KPNA5: variants seen among roughly 807,000 people sequenced by gnomAD.
KPNA5 encodes karyopherin subunit alpha 5, also known as importin subunit alpha-6.
Under a neutral mutation model 71.3 loss-of-function variants are expected in KPNA5, and 46 were observed. The observed-to-expected ratio is 0.65, with a 90% CI of 0.51 to 0.83. The LOEUF (loss-of-function observed/expected upper bound fraction) is 0.83, where lower values mean the gene tolerates loss of function less well. KPNA5 is among the 40% of genes least tolerant of loss of function. The pLI, the probability that KPNA5 is intolerant of heterozygous loss-of-function variation, is 0.00. For synonymous variants in KPNA5, 207 were observed against 201.4 expected (o/e 1.03, Z -0.24); for missense variants, 547 against 628.3 (o/e 0.87, Z 1.38).
chr6:116,737,879 G>T lies in KPNA5; in HGVS notation c.*5556G>T, dbSNP rs4626458. 0.21 allele frequency: 32,147 copies of T among 151,462 alleles called. 3,684 individuals are homozygous for T. The highest frequency in any genetic ancestry group is 0.27 in the Non-Finnish European group (18,437 of 67,750). The allele number at this position is 151,462 out of a possible 1,614,324, so 9.4% of individuals were successfully genotyped here. ...CTTTTTACTTATTTCCTTAGTTTTT[G>T]CTCATAATTTTAGAATTTCCAATCT... On this transcript the variant is annotated 3_prime_UTR_variant, in exon 14 of 14. Coordinates refer to ENST00000368564, the MANE Select transcript of KPNA5 (RefSeq NM_001366306.2).
chr6:116,696,398 A>G (rs1295626944), intron 4 of KPNA5, among the ~76,000 whole-genome samples: 1 of 152,180 alleles, frequency 6.6e-6, no homozygotes, highest in Admixed American at 6.6e-5. Flanking sequence ...AGCAGAAACA[A>G]CAGGAAACTT....
chr6:116,726,625 A>C lies in KPNA5; in HGVS notation c.1253+3A>C. Reference sequence around the variant, plus strand: ...GGAGGTACTCCAGAGCAAATAAGGTATGATATAAACTTCTTAATTGTTTTT... The same window carrying C: ...GGAGGTACTCCAGAGCAAATAAGGTCTGATATAAACTTCTTAATTGTTTTT... On this transcript the variant is annotated splice_donor_region_variant and intron_variant, in intron 12 of 13. Coordinates refer to ENST00000368564, the MANE Select transcript of KPNA5 (RefSeq NM_001366306.2). 1 of 1,586,914 alleles carries C rather than the reference A, an allele frequency of 6.3e-7. No individual in the cohort carries two copies. The highest frequency in any genetic ancestry group is 8.5e-7 in the Non-Finnish European group (1 of 1,171,260).
At position 116,735,679 on chromosome 6, in the gene KPNA5, G is replaced by A. The variant is rs1171468599; in HGVS notation, c.*3356G>A. On this transcript the variant is annotated 3_prime_UTR_variant, in exon 14 of 14. Transcript: ENST00000368564. ...GTCCATTTCATTTTTTCTTAAGATT[G>A]TTGTTTCCTAACAGAACAAAGACAG... 3 of 151,536 alleles carry A rather than the reference G, an allele frequency of 2.0e-5. No homozygotes were observed. The highest frequency in any genetic ancestry group is 4.4e-5 in the Non-Finnish European group (3 of 67,692). The allele number at this position is 151,536 out of a possible 1,614,324, so 9.4% of individuals were successfully genotyped here. A position where few individuals can be genotyped will look rare whatever the true frequency, so the allele number is the denominator to read the frequency against.
rs1779634817 is a variant in KPNA5, at chr6:116,735,346, A to C, written c.*3023A>C. 1 of 151,714 alleles carries C rather than the reference A, an allele frequency of 6.6e-6. No homozygotes were observed. Among genetic ancestry groups the C allele is most frequent in the African/African-American group, 2.4e-5 (1 of 41,414 alleles). The allele number at this position is 151,714 out of a possible 1,614,324, so 9.4% of individuals were successfully genotyped here. A position where few individuals can be genotyped will look rare whatever the true frequency, so the allele number is the denominator to read the frequency against. Reference sequence around the variant, plus strand: ...GAAAAATAAATATAAAGTCTTAGTGAATTTTTGTTATGGTTCTCAATTCAG... The same window carrying C: ...GAAAAATAAATATAAAGTCTTAGTGCATTTTTGTTATGGTTCTCAATTCAG... On this transcript the variant is annotated 3_prime_UTR_variant, in exon 14 of 14. Coordinates refer to ENST00000368564, the MANE Select transcript of KPNA5 (RefSeq NM_001366306.2).
At chr6:116,706,930 C>T (rs974481103) in intron 7 of KPNA5, among the ~76,000 whole-genome samples, 8 of 151,822 alleles carry the variant, frequency 5.3e-5, no homozygotes, top group South Asian at 2.1e-4. Context: ...TTGGGGAGGC[C>T]GAGTTGGGTG....
intron 7 of KPNA5, among the ~76,000 whole-genome samples, chr6:116,705,979 A>G (rs1778424190): frequency 6.6e-6 from 1 of 152,244 alleles, no homozygotes; most frequent in Non-Finnish European, 1.5e-5. Flanking sequence ...AGATCTGTGT[A>G]CAAACCACTG....
At chr6:116,693,180 G>C (rs1038516145) in intron 4 of KPNA5, among the ~76,000 whole-genome samples, 9 of 152,150 alleles carry the variant, frequency 5.9e-5, no homozygotes, top group African/African-American at 2.2e-4. Flanking sequence ...ATTGTGAATA[G>C]TGCCGCAATG....
At chr6:116,683,848 C>T (rs1228663973) in intron 1 of KPNA5, among the ~76,000 whole-genome samples, 7 of 148,142 alleles carry the variant, frequency 4.7e-5, no homozygotes, top group Non-Finnish European at 8.9e-5. Flanking sequence ...CCACCTGCCT[C>T]GGCCTCCCAA....
At chr6:116,719,396 G>A (rs1779021390) in intron 8 of KPNA5, among the ~76,000 whole-genome samples, 1 of 152,138 alleles carries the variant, frequency 6.6e-6, no homozygotes, top group South Asian at 2.1e-4. Context: ...CTTCATTGTA[G>A]GATAATTGGG....
intron 7 of KPNA5, among the ~76,000 whole-genome samples, chr6:116,711,524 A>G (rs1778685462): frequency 1.5e-5 from 2 of 137,526 alleles, no homozygotes; most frequent in African/African-American, 5.8e-5. Context: ...TTTATCTCAA[A>G]GTATTTTCTG....
In KPNA5 at chr6:116,690,621, C is replaced by T. The variant is rs372471293; in HGVS notation, c.138+1168C>T. ...TGATGCCACTGCACTCCAGCCTGGG[C>T]GACAGAGTAAGACTCCATCTCAAAA... is the stretch of plus-strand genomic sequence containing the variant. On this transcript the variant is annotated intron_variant, in intron 2 of 13. Coordinates refer to ENST00000368564, the MANE Select transcript of KPNA5 (RefSeq NM_001366306.2). Among the ~76,000 whole-genome samples the T allele has an allele frequency of 1.2e-4, 16 of 137,056 alleles. No individual in the cohort carries two copies. In the South Asian group the frequency reaches 1.6e-3, roughly 14 times the overall value. 89.9% of individuals were successfully genotyped at this position (137,056 alleles called of 152,430 possible).
intron 7 of KPNA5, among the ~76,000 whole-genome samples, chr6:116,706,764 T>G (rs1018302715): frequency 1.1e-4 from 17 of 152,116 alleles, no homozygotes; most frequent in African/African-American, 4.1e-4. Context: ...AAACTTCGTC[T>G]TAGAAAGTTT....
At position 116,739,648 on chromosome 6, in the gene KPNA5, G is replaced by A. The variant is rs1562462979; in HGVS notation, c.*7325G>A. 1 of 152,114 alleles carries A rather than the reference G, an allele frequency of 6.6e-6. No homozygotes were observed. The highest frequency in any genetic ancestry group is 2.4e-5 in the African/African-American group (1 of 41,412). 9.4% of individuals were successfully genotyped at this position (152,114 alleles called of 1,614,324 possible). ...ACAGCATGGTACCAGTACCAAAACAGATATAGATCAATGGAACAGAACAGA... is the reference window on the plus strand; with the variant it reads ...ACAGCATGGTACCAGTACCAAAACAAATATAGATCAATGGAACAGAACAGA... On this transcript the variant is annotated 3_prime_UTR_variant, in exon 14 of 14. Transcript: ENST00000368564.
intron 6 of KPNA5, among the ~76,000 whole-genome samples, chr6:116,704,813 G>A (rs1268800264): frequency 6.6e-6 from 1 of 152,132 alleles, no homozygotes; most frequent in African/African-American, 2.4e-5. Flanking sequence ...CTAGACTCAA[G>A]CGATCTGTCC....
At chr6:116,719,165 A>G (rs1779014931) in intron 8 of KPNA5, among the ~76,000 whole-genome samples, 1 of 152,132 alleles carries the variant, frequency 6.6e-6, no homozygotes, top group Non-Finnish European at 1.5e-5. Flanking sequence ...TTTATGTAGA[A>G]TTCTGTTCTT....
chr6:116,715,307 T>TGGTCTCAAGGGGGTCCACA (rs1453196733), intron 7 of KPNA5, among the ~76,000 whole-genome samples: 3 of 152,160 alleles, frequency 2.0e-5, no homozygotes, highest in African/African-American at 7.2e-5. Flanking sequence ...GGATCCATTA[T>TGGTCTCAAGGGGGTCCACA]GGTCTCAAGG....
At chr6:116,721,753 G>A (rs1455164597) in intron 8 of KPNA5, among the ~76,000 whole-genome samples, 2 of 152,090 alleles carry the variant, frequency 1.3e-5, no homozygotes, top group South Asian at 4.1e-4. Context: ...CATGTAATGA[G>A]TACAGTGAGG....
chr6:116,722,182 G>C lies in KPNA5; in HGVS notation c.813G>C (p.Val271=). ...SRLLFSSDPD[V]LADVCWALSY... ...TGTTGTTTAGCAGTGACCCAGATGT[G>C]TTAGCAGACGTGTGTTGGGCCCTTT... Residue 271 remains valine, a synonymous_variant, in exon 9 of 14, where the codon GTG becomes GTC. Coordinates refer to ENST00000368564, the MANE Select transcript of KPNA5 (RefSeq NM_001366306.2). 1 of 1,612,862 alleles carries C rather than the reference G, an allele frequency of 6.2e-7. No homozygotes were observed. The highest frequency in any genetic ancestry group is 8.5e-7 in the Non-Finnish European group (1 of 1,179,264).
At chr6:116,685,260 C>T (rs957056045) in intron 1 of KPNA5, among the ~76,000 whole-genome samples, 3 of 152,036 alleles carry the variant, frequency 2.0e-5, no homozygotes, top group Non-Finnish European at 2.9e-5. Flanking sequence ...TGAAAGAAGC[C>T]GGATTTATTT....
Sources: gnomAD v4.1 joint callset for allele counts (sites outside exome capture counted in the v4.1 genomes callset) on GRCh38, gnomAD v4.1.1 for gene constraint, MANE v1.5 for transcripts, NCBI Gene and HGNC (gene_info 2026-07-23, HGNC 2026-07-21) for gene names.